COL27A1: variants seen among roughly 807,000 people sequenced by gnomAD.
The protein encoded by COL27A1 is collagen type XXVII alpha 1 chain.
Under a neutral mutation model 251.3 loss-of-function variants are expected in COL27A1, and 106 were observed. The ratio of observed to expected loss-of-function variants is 0.42; its 90% CI spans 0.36 to 0.50. The LOEUF (loss-of-function observed/expected upper bound fraction) is 0.50, where lower values mean the gene tolerates loss of function less well. Among genes scored for constraint, COL27A1 ranks in the 20% least tolerant of loss-of-function variants. COL27A1 has a pLI of 0.00. For missense variants in COL27A1, 2,325 were observed against 2,522.8 expected (o/e 0.92, Z 1.68); for synonymous variants, 1,000 against 986.3 (o/e 1.01, Z -0.26).
At position 114,252,452 on chromosome 9, in the gene COL27A1, G is replaced by T. The variant is rs574988733; in HGVS notation, c.3034-141G>T. 3.6e-5 allele frequency: 25 copies of T among 697,292 alleles called. No individual in the cohort carries two copies. In the African/African-American group the frequency reaches 4.0e-4, roughly 11 times the overall value. 43.2% of individuals were successfully genotyped at this position (697,292 alleles called of 1,614,324 possible). A position where few individuals can be genotyped will look rare whatever the true frequency, so the allele number is the denominator to read the frequency against. ...ATCCCCACCTGGGTGATGTGGCCAT[G>T]AACTAGGCAGGGACCCTCTAGAGAC... On this transcript the variant is annotated intron_variant, in intron 25 of 60. Transcript: ENST00000356083.
At chr9:114,163,979 C>T (rs1234532746) in intron 2 of COL27A1, among the ~76,000 whole-genome samples, 2 of 152,126 alleles carry the variant, frequency 1.3e-5, no homozygotes, top group African/African-American at 2.4e-5. Context: ...TCCCCTGTCC[C>T]CCATCTCTTC....
chr9:114,169,990 A>T (rs1365807584), intron 3 of COL27A1, among the ~76,000 whole-genome samples: 1 of 152,208 alleles, frequency 6.6e-6, no homozygotes, highest in Non-Finnish European at 1.5e-5. Flanking sequence ...TAACTTACTA[A>T]CATTTTAAAA....
intron 29 of COL27A1, 43 bp from the exon 30 acceptor site, chr9:114,264,881 C>T: frequency 6.3e-7 from 1 of 1,591,248 alleles, no homozygotes; most frequent in East Asian, 2.2e-5. Flanking sequence ...GAACGGTCCT[C>T]CCAAGCACCC....
intron 49 of COL27A1, among the ~76,000 whole-genome samples, chr9:114,294,625 TTTGAGAAAAATCTAACTCCAC>T (rs1828145643): frequency 6.6e-6 from 1 of 152,206 alleles, no homozygotes; most frequent in African/African-American, 2.4e-5. Context: ...AGGAAAAGCA[TTTGAGAAAAATCTAACTCCAC>T]TTCTGATAAA....
Position 114,167,704 on chromosome 9 carries a change from A to G in COL27A1, c.149A>G (p.Gln50Arg). 1 of 1,611,460 alleles carries G rather than the reference A, an allele frequency of 6.2e-7. No individual in the cohort carries two copies. Among genetic ancestry groups the G allele is most frequent in the Non-Finnish European group, 8.5e-7 (1 of 1,178,186 alleles). The change falls in exon 3 of 61, where the codon CAG becomes CGG. Residue 50 changes from glutamine to arginine, a missense_variant. Coordinates refer to ENST00000356083, the MANE Select transcript of COL27A1 (RefSeq NM_032888.4). Reference protein sequence around the residue: ...QGAPEDVDILQRLGLSWTKAG... With the variant: ...QGAPEDVDILRRLGLSWTKAG... ...TCCCTCTCAGATGTGGACATCCTCC[A>G]GCGGCTGGGCCTCAGCTGGACGAAG... is the stretch of plus-strand genomic sequence containing the variant.
At position 114,267,494 on chromosome 9, in the gene COL27A1, T is replaced by C; in HGVS notation, c.3448-10T>C. Reference sequence around the variant, plus strand: ...TTGCTCTAGGAGGGACCAATGGCGTTTTCTTTCAGGGGCCGCCTGGTGCAG... The same window carrying C: ...TTGCTCTAGGAGGGACCAATGGCGTCTTCTTTCAGGGGCCGCCTGGTGCAG... On this transcript the variant is annotated splice_polypyrimidine_tract_variant and intron_variant, in intron 33 of 60. Transcript: ENST00000356083. The C allele has an allele frequency of 1.3e-6, 2 of 1,599,602 alleles. No homozygotes were observed. The highest frequency in any genetic ancestry group is 1.7e-6 in the Non-Finnish European group (2 of 1,175,224).
chr9:114,240,128 A>G, intron 19 of COL27A1, 92 bp from the exon 20 acceptor site: 1 of 1,172,738 alleles, frequency 8.5e-7, no homozygotes, highest in South Asian at 1.2e-5. Context: ...GCAGGATGAG[A>G]TGGAAACCCG....
At position 114,290,194 on chromosome 9, in the gene COL27A1, G is replaced by A; in HGVS notation, c.4261-30G>A. 1 of 1,143,746 alleles carries A rather than the reference G, an allele frequency of 8.7e-7. No individual in the cohort carries two copies. 70.8% of individuals were successfully genotyped at this position (1,143,746 alleles called of 1,614,324 possible). A position where few individuals can be genotyped will look rare whatever the true frequency, so the allele number is the denominator to read the frequency against. ...CCTCCTCCCACTCCCTGCACCAAAT[G>A]CCCTCACCAGCTTTTTATGTACCCC... On this transcript the variant is annotated intron_variant, in intron 46 of 60. Transcript: ENST00000356083. This position sits in a 1 kb window ranked among gnomAD's most constrained non-coding sequence, Gnocchi z 4.6.
At position 114,301,712 on chromosome 9, in the gene COL27A1, C is replaced by G. The variant is rs1342376386; in HGVS notation, c.4840C>G (p.Pro1614Ala). The G allele has an allele frequency of 6.2e-7, 1 of 1,612,086 alleles. No homozygotes were observed. The highest frequency in any genetic ancestry group is 8.5e-7 in the Non-Finnish European group (1 of 1,179,236). The change falls in exon 55 of 61, where the codon CCC (proline) becomes GCC (alanine). Residue 1614 changes from proline to alanine, a missense_variant. Pro to Ala is a conservative substitution (Grantham distance 27). Around this residue, in one of 4 missense-constraint regions of COL27A1, gnomAD observed 327 missense variants for 442.8 expected, o/e 0.74. Coordinates refer to ENST00000356083, the MANE Select transcript of COL27A1 (RefSeq NM_032888.4). ...TCCCGGCCCCAGAGGGCGGCCCGGC[C>G]CCCCGGTAGGTAACTGAGTGCTGGG... ...GPPGPRGRPG[P>A]PGPPGGPIQL... is the part of the protein sequence containing the mutation.
chr9:114,168,447 A>G lies in COL27A1; in HGVS notation c.892A>G (p.Thr298Ala). The G allele has an allele frequency of 1.2e-6, 2 of 1,613,852 alleles. No individual in the cohort carries two copies. The highest frequency in any genetic ancestry group is 1.3e-5 in the African/African-American group (1 of 75,024). ...PRGTVAPATP[T>A]KPQRTSPTNP... The stretch of plus-strand genomic sequence containing the variant: ...GGGGACTGTGGCACCCGCCACGCCC[A>G]CCAAGCCCCAAAGGACTAGCCCCAC... Residue 298 changes from threonine (T) to alanine (A), a missense_variant, in exon 3 of 61, where the codon ACC (threonine) becomes GCC (alanine). Physicochemically the swap from Thr to Ala is moderately conservative, Grantham distance 58. This residue lies in a region of COL27A1 where 1,183 missense variants were observed against 1,144.1 expected (regional missense o/e 1.03). Coordinates refer to ENST00000356083, the MANE Select transcript of COL27A1 (RefSeq NM_032888.4).
intron 14 of COL27A1, among the ~76,000 whole-genome samples, chr9:114,227,250 C>T (rs1028501866): frequency 3.3e-5 from 5 of 151,872 alleles, no homozygotes; most frequent in Non-Finnish European, 7.4e-5. Flanking sequence ...TTCTGAGTCT[C>T]CAACCTGACC....
At chr9:114,211,081 C>T (rs10982109) in intron 12 of COL27A1, 55 bp downstream of exon 12, 280,060 of 1,569,746 alleles carry the variant, frequency 0.18, 32,438 homozygotes, top group East Asian at 0.66. Flanking sequence ...CCACCTCCCA[C>T]GGCCACGCTG....
intron 25 of COL27A1, among the ~76,000 whole-genome samples, chr9:114,250,984 C>T (rs538847922): frequency 6.6e-6 from 1 of 152,140 alleles, no homozygotes; most frequent in Non-Finnish European, 1.5e-5. Flanking sequence ...GGAAAAGACT[C>T]ATCTTTACAA....
chr9:114,247,514 A>G (rs916017168), intron 24 of COL27A1, among the ~76,000 whole-genome samples: 5 of 152,226 alleles, frequency 3.3e-5, no homozygotes, highest in African/African-American at 7.2e-5. Flanking sequence ...CATGTTGGCA[A>G]TCTGGGATTT....
chr9:114,166,048 T>C (rs1848824322), intron 2 of COL27A1, among the ~76,000 whole-genome samples: 1 of 151,260 alleles, frequency 6.6e-6, no homozygotes, highest in Non-Finnish European at 1.5e-5. Context: ...TGTCCATCCA[T>C]TCATTCATCC....
At chr9:114,267,416 C>T in intron 33 of COL27A1, 88 bp from the exon 34 acceptor site, 1 of 1,152,558 alleles carries the variant, frequency 8.7e-7, no homozygotes, top group Non-Finnish European at 1.3e-6. Flanking sequence ...TGGGTGTTCT[C>T]TTGCCCTCTT....
intron 13 of COL27A1, among the ~76,000 whole-genome samples, chr9:114,220,380 C>T (rs1219170006): frequency 3.3e-5 from 5 of 152,208 alleles, no homozygotes; most frequent in Admixed American, 6.5e-5. Flanking sequence ...CTTCCCAGCT[C>T]CAGGCCCTGG....
chr9:114,187,959 GT>G (rs1828497613), intron 5 of COL27A1, among the ~76,000 whole-genome samples: 1 of 152,228 alleles, frequency 6.6e-6, no homozygotes, highest in Non-Finnish European at 1.5e-5. Context: ...GTGTGCCCAA[GT>G]TTGAATCCTG....
chr9:114,219,504 T>C (rs1479013170), intron 12 of COL27A1, among the ~76,000 whole-genome samples: 1 of 152,186 alleles, frequency 6.6e-6, no homozygotes, highest in Non-Finnish European at 1.5e-5. Context: ...TCCCATTCCA[T>C]CAGGACCAGA....
Sources: allele counts gnomAD v4.1 joint callset (sites outside exome capture counted in the v4.1 genomes callset), GRCh38; gene constraint gnomAD v4.1.1; regional missense constraint gnomAD v4.1.1; non-coding constraint Gnocchi (gnomAD v3.1); transcripts MANE v1.5; gene names NCBI Gene and HGNC (gene_info 2026-07-23, HGNC 2026-07-21).